The following DGKD variants were observed in gnomAD, a reference collection of about 807,000 sequenced individuals.
DGKD encodes the protein DAG kinase delta.
DGKD carries 68 observed loss-of-function variants against 154.4 expected under a neutral mutation model. That is an observed-to-expected ratio of 0.44 (90% CI 0.36 to 0.54). The LOEUF is 0.54. DGKD is among the 20% of genes least tolerant of loss of function. The pLI is 0.00. For synonymous variants in DGKD, 693 were observed against 638.0 expected (o/e 1.09, Z -1.30); for missense variants, 1,343 against 1,593.6 (o/e 0.84, Z 2.68).
Position 233,354,611 on chromosome 2 carries a change from G to A in DGKD, c.93G>A (p.Ala31=). 1.8e-6 allele frequency: 2 copies of A among 1,127,916 alleles called. No individual in the cohort carries two copies. Among genetic ancestry groups the A allele is most frequent in the South Asian group, 3.8e-5 (2 of 52,114 alleles). 69.9% of individuals were successfully genotyped at this position (1,127,916 alleles called of 1,614,324 possible). ...AGTCGTCCGACAGCGAGCCCGAGGCGGAGCCCGGCTCCCCACAGAAGCTCA... is the reference window on the plus strand; with the variant it reads ...AGTCGTCCGACAGCGAGCCCGAGGCAGAGCCCGGCTCCCCACAGAAGCTCA... ...PEESSDSEPE[A]EPGSPQKLIR... The change falls in exon 1 of 30, where the codon GCG becomes GCA. Residue 31 remains alanine, a synonymous_variant. Coordinates refer to ENST00000264057, the MANE Select transcript of DGKD (RefSeq NM_152879.3). This position sits in a 1 kb window ranked among gnomAD's most constrained non-coding sequence, Gnocchi z 4.8.
rs1008143440 is a variant in DGKD, at chr2:233,452,148, A to G, written c.2264+88A>G. The G allele has an allele frequency of 3.2e-6, 4 of 1,266,090 alleles. No homozygotes were observed. The African/African-American group carries it at 5.9e-5, about 19-fold the overall frequency. 78.4% of individuals were successfully genotyped at this position (1,266,090 alleles called of 1,614,324 possible). A position where few individuals can be genotyped will look rare whatever the true frequency, so the allele number is the denominator to read the frequency against. On this transcript the variant is annotated intron_variant, in intron 18 of 29. Coordinates refer to ENST00000264057, the MANE Select transcript of DGKD (RefSeq NM_152879.3). This position sits in a 1 kb window ranked among gnomAD's most constrained non-coding sequence, Gnocchi z 4.0. ...GATCTCAGGATTAACTAGAGAAATT[A>G]GTGAGCAGTTGCCCAGCTGGTGGTA...
chr2:233,394,632 C>T (rs1348346535), intron 3 of DGKD, among the ~76,000 whole-genome samples: 1 of 150,954 alleles, frequency 6.6e-6, no homozygotes, highest in Admixed American at 6.6e-5. Flanking sequence ...ACATACCCCC[C>T]ACCCTTTTCC....
At chr2:233,451,169 T>G in intron 17 of DGKD, 119 bp downstream of exon 17, 1 of 1,077,118 alleles carries the variant, frequency 9.3e-7, no homozygotes, top group Non-Finnish European at 1.3e-6. Flanking sequence ...GAAAGATAGG[T>G]GGAATTGAAA....
intron 24 of DGKD, 126 bp from the exon 25 acceptor site, chr2:233,462,219 TGTC>T (rs1242411541): frequency 2.9e-6 from 2 of 682,424 alleles, no homozygotes; most frequent in Non-Finnish European, 4.9e-6. Flanking sequence ...CCACGATCCC[TGTC>T]GTCCTGCTGG....
chr2:233,373,890 A>G (rs1288655607), intron 1 of DGKD, among the ~76,000 whole-genome samples: 3 of 152,242 alleles, frequency 2.0e-5, no homozygotes, highest in Non-Finnish European at 2.9e-5. Flanking sequence ...TAAATGAAAA[A>G]GAAATAACAT....
chr2:233,418,750 G>T (rs1237544658), intron 3 of DGKD, among the ~76,000 whole-genome samples: 1 of 152,182 alleles, frequency 6.6e-6, no homozygotes, highest in Non-Finnish European at 1.5e-5. Flanking sequence ...CTCTGAGGCT[G>T]CAGGTGAGAT....
intron 3 of DGKD, among the ~76,000 whole-genome samples, chr2:233,431,938 C>T (rs560586340): frequency 7.1e-4 from 108 of 152,256 alleles, no homozygotes; most frequent in African/African-American, 2.5e-3. Flanking sequence ...CAAGCACAGG[C>T]AACCAAAGCA....
chr2:233,436,544 AATCCCAGAGGCCCCTCCGGC>A, intron 7 of DGKD, 103 bp downstream of exon 7: 1 of 1,459,116 alleles, frequency 6.9e-7, no homozygotes, highest in South Asian at 1.4e-5. Flanking sequence ...CTGGTAAATT[AATCCCAGAGGCCCCTCCGGC>A]TGAGAGTGGG....
In DGKD at chr2:233,354,923, G is replaced by T. The variant is rs1039947226; in HGVS notation, c.156+249G>T. On this transcript the variant is annotated intron_variant, in intron 1 of 29. Coordinates refer to ENST00000264057, the MANE Select transcript of DGKD (RefSeq NM_152879.3). This position sits in a 1 kb window ranked among gnomAD's most constrained non-coding sequence, Gnocchi z 4.8. Reference sequence around the variant, plus strand: ...CGGGGGGCGCGCAGGTGGGCGCCCCGGGCGCCGCGCGCTGGGCGGGGGGCG... The same window carrying T: ...CGGGGGGCGCGCAGGTGGGCGCCCCTGGCGCCGCGCGCTGGGCGGGGGGCG... Among the ~76,000 whole-genome samples the T allele has an allele frequency of 6.8e-6, 1 of 146,128 alleles. No homozygotes were observed. The highest frequency in any genetic ancestry group is 6.8e-5 in the Admixed American group (1 of 14,768).
At chr2:233,394,731 A>G (rs1265148928) in intron 3 of DGKD, among the ~76,000 whole-genome samples, 1 of 76,410 alleles carries the variant, frequency 1.3e-5, no homozygotes, top group African/African-American at 4.8e-5. Flanking sequence ...TTTTAGAGAT[A>G]GGCTCTTGCT....
At chr2:233,422,491 C>G (rs919894870) in intron 3 of DGKD, among the ~76,000 whole-genome samples, 3 of 152,314 alleles carry the variant, frequency 2.0e-5, no homozygotes, top group Admixed American at 6.5e-5. Context: ...ACCCACCCCT[C>G]CTGACATAGA....
rs1283025730 is a variant in DGKD, at chr2:233,438,903, G to A, written c.1085+524G>A. On this transcript the variant is annotated intron_variant, in intron 9 of 29. Coordinates refer to ENST00000264057, the MANE Select transcript of DGKD (RefSeq NM_152879.3). This position sits in a 1 kb window ranked among gnomAD's most constrained non-coding sequence, Gnocchi z 4.1. The stretch of plus-strand genomic sequence containing the variant: ...CTGTCCTGCAGCGAGGCCAGGAGGA[G>A]TGTTTGCTGAGAGGCACAGGAGGCC... Among the ~76,000 whole-genome samples the A allele has an allele frequency of 6.6e-6, 1 of 152,198 alleles. No individual in the cohort carries two copies. The highest frequency in any genetic ancestry group is 2.4e-5 in the African/African-American group (1 of 41,442).
chr2:233,384,712 C>A (rs559460581), intron 1 of DGKD, among the ~76,000 whole-genome samples: 3 of 152,294 alleles, frequency 2.0e-5, no homozygotes, highest in African/African-American at 7.2e-5. Context: ...ATCAGCTCCC[C>A]CCTTATGCGA....
chr2:233,391,869 TGGA>T (rs1284935253), intron 3 of DGKD, among the ~76,000 whole-genome samples: 1 of 152,208 alleles, frequency 6.6e-6, no homozygotes, highest in East Asian at 1.9e-4. Context: ...TTATTTTACT[TGGA>T]GTATTTGTAG....
At chr2:233,463,395 TCTC>T (rs576914958) in intron 26 of DGKD, among the ~76,000 whole-genome samples, 13 of 140,112 alleles carry the variant, frequency 9.3e-5, no homozygotes, top group African/African-American at 3.0e-4. Context: ...ACTCCACACA[TCTC>T]CTCACTCCAC....
At chr2:233,444,352 G>T (rs932912356) in intron 10 of DGKD, among the ~76,000 whole-genome samples, 1 of 151,992 alleles carries the variant, frequency 6.6e-6, no homozygotes, top group Admixed American at 6.6e-5. Context: ...TCACCCAGGC[G>T]ACCTTTCCCG....
chr2:233,375,802 T>C (rs905216842), intron 1 of DGKD, among the ~76,000 whole-genome samples: 7 of 152,156 alleles, frequency 4.6e-5, no homozygotes, highest in African/African-American at 1.7e-4. Flanking sequence ...GCCTGTGTCT[T>C]TCTTGTTTCA....
At chr2:233,444,845 A>G (rs765854410) in intron 10 of DGKD, among the ~76,000 whole-genome samples, 11 of 133,888 alleles carry the variant, frequency 8.2e-5, no homozygotes, top group Non-Finnish European at 1.6e-4. Flanking sequence ...TTCCTGCCTC[A>G]AGGACAGTAA....
At position 233,458,612 on chromosome 2, in the gene DGKD, AT is replaced by A. The variant is rs1181817947; in HGVS notation, c.2694+232del. Among the ~76,000 whole-genome samples the A allele has an allele frequency of 0.13, 17,860 of 139,908 alleles. 1,403 individuals are homozygous for A. Among genetic ancestry groups the A allele is most frequent in the African/African-American group, 0.26 (9,749 of 38,018 alleles). The allele number at this position is 139,908 out of a possible 152,430, so 91.8% of individuals were successfully genotyped here. A position where few individuals can be genotyped will look rare whatever the true frequency, so the allele number is the denominator to read the frequency against. ...TAAATTCTCAAGATAACTCTTTTTAATTTTTTTTTTTTTTTTTGAGACAGAG... is the reference window on the plus strand; with the variant it reads ...TAAATTCTCAAGATAACTCTTTTTAATTTTTTTTTTTTTTTTGAGACAGAG... On this transcript the variant is annotated intron_variant, in intron 22 of 29. Transcript: ENST00000264057. This position sits in a 1 kb window ranked among gnomAD's most constrained non-coding sequence, Gnocchi z 6.6.
Sources: allele counts gnomAD v4.1 joint callset (sites outside exome capture counted in the v4.1 genomes callset), GRCh38; gene constraint gnomAD v4.1.1; non-coding constraint Gnocchi (gnomAD v3.1); transcripts MANE v1.5; gene names NCBI Gene and HGNC (gene_info 2026-07-23, HGNC 2026-07-21).